Variants in NRG1 observed in about 807,000 individuals in gnomAD.
NRG1 encodes the protein neuregulin 1.
Under a neutral mutation model 63.8 loss-of-function variants are expected in NRG1, and 18 were observed. The observed-to-expected ratio is 0.28, with a 90% confidence interval of 0.19 to 0.42. NRG1 has a LOEUF of 0.42. NRG1 is among the 10% of genes least tolerant of loss of function. The pLI, the probability that NRG1 is intolerant of heterozygous loss-of-function variation, is 1.00. For synonymous variants in NRG1, 302 were observed against 301.3 expected, an observed-to-expected ratio of 1.00 and a Z score of -0.02; for missense variants, 762 against 814.7, an observed-to-expected ratio of 0.94 and a Z score of 0.79.
chr8:32,505,513 C>G (rs1162027532), intron 1 of NRG1, among the ~76,000 whole-genome samples: 2 of 152,160 alleles, frequency 1.3e-5, no homozygotes, highest in African/African-American at 4.8e-5. Flanking sequence ...GACTCAAAAC[C>G]AATCATCCAT....
chr8:32,544,614 C>T (rs148816592), upstream of NRG1, among the ~76,000 whole-genome samples: 993 of 151,464 alleles, frequency 6.6e-3, 7 homozygotes, highest in African/African-American at 0.022. Context: ...GGTGATCCTC[C>T]CACCTCAACC....
At chr8:31,757,675 A>C (rs2131496075) in intron 1 of NRG1, among the ~76,000 whole-genome samples, 1 of 152,254 alleles carries the variant, frequency 6.6e-6, no homozygotes, top group East Asian at 1.9e-4. Flanking sequence ...AGGACCCTGT[A>C]GAGGGGGAAT....
chr8:31,903,392 T>A (rs1156818803), intron 1 of NRG1, among the ~76,000 whole-genome samples: 2 of 151,544 alleles, frequency 1.3e-5, no homozygotes, highest in African/African-American at 4.8e-5. Context: ...CTCGTGATCC[T>A]CCTGCCTCGG....
At chr8:31,752,878 A>C (rs1260412759) in intron 1 of NRG1, among the ~76,000 whole-genome samples, 4 of 152,116 alleles carry the variant, frequency 2.6e-5, no homozygotes, top group Non-Finnish European at 4.4e-5. Flanking sequence ...ATAAACACTT[A>C]TCATAAGATT....
chr8:32,075,132 CATGTAA>C (rs1826303991), intron 1 of NRG1, among the ~76,000 whole-genome samples: 1 of 152,286 alleles, frequency 6.6e-6, no homozygotes, highest in South Asian at 2.1e-4. Flanking sequence ...GAGTAAGCTC[CATGTAA>C]ATGTTAGTCC....
chr8:32,387,046 G>C (rs1387006005), intron 1 of NRG1, among the ~76,000 whole-genome samples: 2 of 152,194 alleles, frequency 1.3e-5, no homozygotes, highest in African/African-American at 4.8e-5. Context: ...TCTATCAGGA[G>C]AGATTCACTA....
At chr8:32,400,233 C>A (rs1038815073) in intron 1 of NRG1, among the ~76,000 whole-genome samples, 9 of 152,152 alleles carry the variant, frequency 5.9e-5, no homozygotes, top group Non-Finnish European at 1.0e-4. Context: ...CCTGTAATCC[C>A]AGCACTTTGG....
intron 1 of NRG1, among the ~76,000 whole-genome samples, chr8:32,178,001 T>C (rs1261764582): frequency 6.6e-6 from 1 of 151,972 alleles, no homozygotes; most frequent in Non-Finnish European, 1.5e-5. Context: ...CTCTCTGGAA[T>C]TGTAATCTGA....
intron 1 of NRG1, among the ~76,000 whole-genome samples, chr8:31,760,342 C>T (rs561320164): frequency 6.0e-4 from 92 of 152,098 alleles, no homozygotes; most frequent in African/African-American, 2.0e-3. Flanking sequence ...TCAGGTTTGT[C>T]GAAGATCAGA....
intron 1 of NRG1, among the ~76,000 whole-genome samples, chr8:32,293,909 A>G (rs1369396983): frequency 6.6e-6 from 1 of 151,688 alleles, no homozygotes; most frequent in Non-Finnish European, 1.5e-5. Context: ...GTAGAAATGG[A>G]GTTTCACCAT....
intron 1 of NRG1, among the ~76,000 whole-genome samples, chr8:32,357,821 C>G (rs1563355649): frequency 6.6e-6 from 1 of 152,154 alleles, no homozygotes; most frequent in Non-Finnish European, 1.5e-5. Flanking sequence ...AGCTTTCAAT[C>G]TAGTGGGGGA....
intron 5 of NRG1, among the ~76,000 whole-genome samples, chr8:32,651,712 A>G (rs1175675101): frequency 6.6e-6 from 1 of 152,174 alleles, no homozygotes; most frequent in East Asian, 1.9e-4. Context: ...AATAAGAATC[A>G]GTAACCATTT....
chr8:32,192,740 T>A lies in NRG1; in HGVS notation c.38-403088T>A, dbSNP rs551445337. Among the ~76,000 whole-genome samples the A allele has an allele frequency of 2.6e-5, 4 of 152,158 alleles. No homozygotes were observed. The South Asian group carries it at 8.3e-4, about 32-fold the overall frequency. ...TGTACCAATGAATCTAGAATTAAACTTGAAAAAAATAAGTAAGTAAAACAT... is the reference window on the plus strand; with the variant it reads ...TGTACCAATGAATCTAGAATTAAACATGAAAAAAATAAGTAAGTAAAACAT... On this transcript the variant is annotated intron_variant, in intron 1 of 10. Transcript: ENST00000519301.
chr8:31,951,888 C>G (rs769466364), intron 1 of NRG1, among the ~76,000 whole-genome samples: 66 of 152,120 alleles, frequency 4.3e-4, no homozygotes, highest in Non-Finnish European at 2.6e-4. Context: ...TCTTGGTTTA[C>G]GTCAAGCAAG....
At chr8:32,412,441 T>TAC (rs1246016477) in intron 1 of NRG1, among the ~76,000 whole-genome samples, 3 of 49,660 alleles carry the variant, frequency 6.0e-5, no homozygotes, top group African/African-American at 1.1e-4. Context: ...TATATATATA[T>TAC]ATATATATAT....
intron 1 of NRG1, among the ~76,000 whole-genome samples, chr8:32,032,285 A>G (rs567177427): frequency 6.6e-6 from 1 of 151,840 alleles, no homozygotes; most frequent in African/African-American, 2.4e-5. Flanking sequence ...TTTTGAGACA[A>G]AGTCTCACAG....
intron 1 of NRG1, among the ~76,000 whole-genome samples, chr8:32,412,399 C>CCTCT (rs36067415): frequency 0.021 from 1,981 of 92,944 alleles, 52 homozygotes; most frequent in African/African-American, 0.041. Flanking sequence ...CTCTCTCTCT[C>CCTCT]CTCTCTCTCT....
chr8:31,742,171 C>T (rs1032595008), intron 1 of NRG1, among the ~76,000 whole-genome samples: 1 of 151,814 alleles, frequency 6.6e-6, no homozygotes, highest in African/African-American at 2.4e-5. Context: ...TTTTGAAATG[C>T]ATTCATATAT....
At chr8:31,902,964 C>G (rs1301408770) in intron 1 of NRG1, among the ~76,000 whole-genome samples, 2 of 152,118 alleles carry the variant, frequency 1.3e-5, no homozygotes, top group African/African-American at 4.8e-5. Flanking sequence ...ACCTTGTTCT[C>G]CCTCTCATGA....
Sources: gnomAD v4.1 joint callset for allele counts (sites outside exome capture counted in the v4.1 genomes callset) on GRCh38, gnomAD v4.1.1 for gene constraint, MANE v1.5 for transcripts, NCBI Gene and HGNC (gene_info 2026-07-23, HGNC 2026-07-21) for gene names.